Variants in FRMD4B observed in about 807,000 individuals in gnomAD.
FRMD4B encodes the protein FERM domain-containing protein 4B.
A neutral mutation model predicts 141.5 loss-of-function variants in FRMD4B; 74 were observed. The ratio of observed to expected loss-of-function variants is 0.52; its 90% CI spans 0.43 to 0.63. The LOEUF (loss-of-function observed/expected upper bound fraction) is 0.63, where lower values mean the gene tolerates loss of function less well. Ranked by LOEUF, FRMD4B falls within the 30% of genes least tolerant of loss-of-function variation. The pLI, the probability that FRMD4B is intolerant of heterozygous loss-of-function variation, is 0.00. For synonymous variants in FRMD4B, 506 were observed against 467.9 expected (o/e 1.08, Z -1.05); for missense variants, 1,366 against 1,253.4 (o/e 1.09, Z -1.36).
intron 5 of FRMD4B, among the ~76,000 whole-genome samples, chr3:69,272,572 C>T (rs1487370538): frequency 6.6e-6 from 1 of 152,234 alleles, no homozygotes; most frequent in African/African-American, 2.4e-5. Flanking sequence ...CACATACACT[C>T]GTATGTGTGT....
intron 21 of FRMD4B, among the ~76,000 whole-genome samples, chr3:69,178,004 T>C (rs970413024): frequency 6.6e-6 from 1 of 152,220 alleles, no homozygotes; most frequent in African/African-American, 2.4e-5. Flanking sequence ...ACAGAGGAAC[T>C]GAACTGGAAC....
chr3:69,191,989 A>C (rs1177948457), intron 17 of FRMD4B, among the ~76,000 whole-genome samples: 1 of 152,146 alleles, frequency 6.6e-6, no homozygotes, highest in Non-Finnish European at 1.5e-5. Flanking sequence ...AAACTCACTT[A>C]CCTTATTTCA....
chr3:69,427,546 C>T (rs1705103892), intron 2 of FRMD4B, among the ~76,000 whole-genome samples: 1 of 148,684 alleles, frequency 6.7e-6, no homozygotes, highest in East Asian at 2.0e-4. Context: ...TTTCAGAGCT[C>T]TTCTCTGATA....
intron 1 of FRMD4B, among the ~76,000 whole-genome samples, chr3:69,319,381 G>T (rs972143486): frequency 2.0e-5 from 3 of 152,074 alleles, no homozygotes; most frequent in African/African-American, 7.2e-5. Context: ...TGACAGCTAC[G>T]CTTTTCTGTA....
intron 1 of FRMD4B, among the ~76,000 whole-genome samples, chr3:69,493,275 T>C (rs1255204166): frequency 6.6e-6 from 1 of 152,118 alleles, no homozygotes; most frequent in Non-Finnish European, 1.5e-5. Context: ...CTCAAGTATT[T>C]GAAAGGTTGA....
At position 69,169,617 on chromosome 3, in the gene FRMD4B, A is replaced by G. The variant is rs909863715; in HGVS notation, c.*2244T>C. ...AGCAATCCTCCCACTTCGGCCTCCC[A>G]AAGTGCTGGGATTACAGGTGTGAGC... On this transcript the variant is annotated 3_prime_UTR_variant, in exon 23 of 23. Coordinates refer to ENST00000398540, the MANE Select transcript of FRMD4B (RefSeq NM_015123.3). Among the ~76,000 whole-genome samples the G allele has an allele frequency of 3.9e-5, 6 of 152,048 alleles. No homozygotes were observed. The highest frequency in any genetic ancestry group is 1.4e-4 in the African/African-American group (6 of 41,410).
intron 1 of FRMD4B, among the ~76,000 whole-genome samples, chr3:69,384,823 C>T (rs938687231): frequency 6.6e-6 from 1 of 152,096 alleles, no homozygotes; most frequent in African/African-American, 2.4e-5. Flanking sequence ...TTGTCAAAAT[C>T]AAGTGCTTGA....
At chr3:69,341,104 G>T (rs1702723987) in intron 1 of FRMD4B, among the ~76,000 whole-genome samples, 1 of 152,132 alleles carries the variant, frequency 6.6e-6, no homozygotes, top group Admixed American at 6.6e-5. Flanking sequence ...TTGATCAATG[G>T]TTTCTTTTAA....
chr3:69,470,310 T>C (rs1287710187), intron 1 of FRMD4B, among the ~76,000 whole-genome samples: 2 of 152,224 alleles, frequency 1.3e-5, no homozygotes, highest in Non-Finnish European at 2.9e-5. Flanking sequence ...AAGGGGATAC[T>C]AAAACGTTTG....
At chr3:69,404,287 C>T (rs1459125511) in intron 2 of FRMD4B, among the ~76,000 whole-genome samples, 1 of 152,096 alleles carries the variant, frequency 6.6e-6, no homozygotes, top group African/African-American at 2.4e-5. Context: ...GATTTCTCTC[C>T]AATAACAGAA....
At chr3:69,227,141 C>G (rs2093262495) in intron 7 of FRMD4B, among the ~76,000 whole-genome samples, 1 of 152,118 alleles carries the variant, frequency 6.6e-6, no homozygotes, top group East Asian at 1.9e-4. Flanking sequence ...GAACTATACA[C>G]AATCAGAATC....
chr3:69,472,295 C>T (rs1705905749), intron 1 of FRMD4B: 1 of 419,370 alleles, frequency 2.4e-6, no homozygotes, highest in Admixed American at 2.6e-5. Flanking sequence ...ATGACATTCT[C>T]TGCAACTTTT....
chr3:69,218,890 C>T (rs934748526), intron 9 of FRMD4B, among the ~76,000 whole-genome samples: 5 of 152,076 alleles, frequency 3.3e-5, no homozygotes, highest in Admixed American at 6.5e-5. Context: ...AGGCTGGGCG[C>T]GGTGGCTCAC....
chr3:69,540,485 G>A (rs1336361063), intron 1 of FRMD4B, among the ~76,000 whole-genome samples: 3 of 148,512 alleles, frequency 2.0e-5, no homozygotes, highest in Non-Finnish European at 4.5e-5. Context: ...GTGGTGGCAT[G>A]CGCCTGTAAT....
chr3:69,392,116 G>T (rs1184641054), intron 2 of FRMD4B, among the ~76,000 whole-genome samples: 1 of 152,234 alleles, frequency 6.6e-6, no homozygotes, highest in Non-Finnish European at 1.5e-5. Flanking sequence ...ACACAGTCTT[G>T]TTCATTAGAA....
intron 2 of FRMD4B, among the ~76,000 whole-genome samples, chr3:69,424,145 G>A (rs1405298124): frequency 6.6e-6 from 1 of 152,124 alleles, no homozygotes; most frequent in Non-Finnish European, 1.5e-5. Flanking sequence ...CTTAAAACAA[G>A]GTTATGTACT....
At chr3:69,504,332 C>T (rs1706558343) in intron 1 of FRMD4B, among the ~76,000 whole-genome samples, 2 of 152,094 alleles carry the variant, frequency 1.3e-5, no homozygotes, top group South Asian at 2.1e-4. Flanking sequence ...ATATACTTTA[C>T]ACCTCATAAA....
chr3:69,517,850 T>C (rs1261611076), intron 1 of FRMD4B, among the ~76,000 whole-genome samples: 1 of 152,220 alleles, frequency 6.6e-6, no homozygotes, highest in Non-Finnish European at 1.5e-5. Context: ...AAACCCCTGC[T>C]GGCCTAGTGC....
At chr3:69,356,140 T>G (rs1478771342) in intron 1 of FRMD4B, among the ~76,000 whole-genome samples, 1 of 152,184 alleles carries the variant, frequency 6.6e-6, no homozygotes, top group East Asian at 1.9e-4. Context: ...GATGAATATG[T>G]GATTCAAGAC....
Sources: allele counts gnomAD v4.1 joint callset (sites outside exome capture counted in the v4.1 genomes callset), GRCh38; gene constraint gnomAD v4.1.1; transcripts MANE v1.5; gene names NCBI Gene and HGNC (gene_info 2026-07-23, HGNC 2026-07-21).